The following ALMS1 variants were observed in gnomAD, a reference collection of about 807,000 sequenced individuals.
ALMS1 encodes the protein centrosome-associated protein ALMS1.
A neutral mutation model predicts 352.2 loss-of-function variants in ALMS1; 271 were observed. The observed-to-expected ratio is 0.77, with a 90% CI of 0.70 to 0.85. The LOEUF is 0.85. Ranked by LOEUF, ALMS1 falls within the 40% of genes least tolerant of loss-of-function variation. The pLI is 0.00. For synonymous variants in ALMS1, 1,865 were observed against 1,761.2 expected (o/e 1.06, Z -1.48); for missense variants, 5,445 against 4,870.7 (o/e 1.12, Z -3.51).
At chr2:73,562,739 T>A (rs1360058595) in intron 15 of ALMS1, among the ~76,000 whole-genome samples, 1 of 151,652 alleles carries the variant, frequency 6.6e-6, no homozygotes, top group Non-Finnish European at 1.5e-5. Context: ...AATACAAAAT[T>A]AGCCGGGCAT....
At chr2:73,566,284 G>A (rs1016188582) in intron 15 of ALMS1, among the ~76,000 whole-genome samples, 2 of 152,164 alleles carry the variant, frequency 1.3e-5, no homozygotes, top group African/African-American at 2.4e-5. Context: ...ATTTGCTGGC[G>A]TTACTGCTCT....
intron 2 of ALMS1, among the ~76,000 whole-genome samples, chr2:73,409,780 T>C (rs1362992332): frequency 1.3e-5 from 2 of 152,184 alleles, no homozygotes; most frequent in African/African-American, 4.8e-5. Context: ...ATTTATTATA[T>C]AGAATTGGCT....
intron 5 of ALMS1, among the ~76,000 whole-genome samples, chr2:73,426,184 A>G (rs530784757): frequency 2.7e-4 from 41 of 152,328 alleles, no homozygotes; most frequent in Middle Eastern, 3.4e-3. Context: ...AGATTACTCA[A>G]ACTTTAATTT....
chr2:73,476,639 G>T (rs1471311901), intron 9 of ALMS1, among the ~76,000 whole-genome samples: 1 of 151,440 alleles, frequency 6.6e-6, no homozygotes, highest in Non-Finnish European at 1.5e-5. Flanking sequence ...ATGTCTCATT[G>T]TGGTGGTGAT....
rs1226978486 is a variant in ALMS1 at position 73,463,418 on chromosome 2, A to C, written c.7674+8123A>C. Among the ~76,000 whole-genome samples, 3 of 150,080 alleles carry C rather than the reference A, an allele frequency of 2.0e-5. No homozygotes were observed. The Admixed American group carries it at 2.0e-4, about 10-fold the overall frequency. On this transcript the variant is annotated intron_variant, in intron 9 of 22. Transcript: ENST00000613296. Reference sequence around the variant, plus strand: ...TTGAAACCAACGAGAACAAAGACACAACATACCAGAATCTCTGGGACACAT... The same window carrying C: ...TTGAAACCAACGAGAACAAAGACACCACATACCAGAATCTCTGGGACACAT...
At chr2:73,537,232 A>G (rs548772527) in intron 12 of ALMS1, among the ~76,000 whole-genome samples, 20 of 152,368 alleles carry the variant, frequency 1.3e-4, no homozygotes, top group Non-Finnish European at 1.6e-4. Flanking sequence ...ACAGTAAACT[A>G]ACTGGAAAGC....
intron 10 of ALMS1, among the ~76,000 whole-genome samples, chr2:73,494,480 C>T (rs960825968): frequency 6.6e-6 from 1 of 152,062 alleles, no homozygotes; most frequent in Non-Finnish European, 1.5e-5. Flanking sequence ...CAGGTTTTTC[C>T]ACAAATGAAC....
intron 1 of ALMS1, among the ~76,000 whole-genome samples, chr2:73,398,484 ATTGCTGGGATT>A (rs1670810970): frequency 6.6e-6 from 1 of 152,164 alleles, no homozygotes; most frequent in Non-Finnish European, 1.5e-5. Flanking sequence ...TGTATTAAAA[ATTGCTGGGATT>A]TTGATTGGGA....
intron 9 of ALMS1, among the ~76,000 whole-genome samples, chr2:73,482,044 C>T (rs1004061233): frequency 1.3e-5 from 2 of 152,178 alleles, no homozygotes; most frequent in African/African-American, 4.8e-5. Flanking sequence ...TTGACTTCCT[C>T]TTTTCCTAAT....
chr2:73,567,469 A>G (rs139134246), intron 15 of ALMS1, among the ~76,000 whole-genome samples: 5 of 152,328 alleles, frequency 3.3e-5, no homozygotes, highest in African/African-American at 1.2e-4. Flanking sequence ...TTAAGGCAAA[A>G]TATGTATTTA....
chr2:73,489,761 C>A lies in ALMS1; in HGVS notation c.7802C>A (p.Pro2601His), dbSNP rs2103889598. The A allele has an allele frequency of 1.2e-6, 2 of 1,614,162 alleles. No individual in the cohort carries two copies. The change falls in exon 10 of 23, where the codon CCT (proline) becomes CAT (histidine). Residue 2601 changes from proline to histidine, a missense_variant. Transcript: ENST00000613296. ...GAACATCCACAACTAGATAGACACC[C>A]TTGTGCTTTCAGATCTGCTGGACCC... Reference protein sequence around the residue: ...TSEHPQLDRHPCAFRSAGPSE... With the variant: ...TSEHPQLDRHHCAFRSAGPSE...
intron 12 of ALMS1, among the ~76,000 whole-genome samples, chr2:73,540,543 T>C (rs1362623281): frequency 2.0e-5 from 3 of 152,188 alleles, no homozygotes; most frequent in Non-Finnish European, 4.4e-5. Context: ...TAAATGTAAA[T>C]GGACTAAATG....
At chr2:73,596,558 G>C (rs139490130) in intron 16 of ALMS1, among the ~76,000 whole-genome samples, 1,572 of 149,208 alleles carry the variant, frequency 0.011, 24 homozygotes, top group African/African-American at 0.037. Flanking sequence ...TGCAACCTTT[G>C]CCTCCTGGGT....
At chr2:73,432,504 T>A (rs934248140) in intron 7 of ALMS1, among the ~76,000 whole-genome samples, 5 of 147,394 alleles carry the variant, frequency 3.4e-5, no homozygotes, top group Non-Finnish European at 5.9e-5. Flanking sequence ...AGAAATTTGT[T>A]TCTTGCAGTT....
chr2:73,547,775 C>T (rs576746156), intron 12 of ALMS1, among the ~76,000 whole-genome samples: 7 of 152,202 alleles, frequency 4.6e-5, no homozygotes, highest in South Asian at 2.1e-4. Flanking sequence ...GATGGGAAGG[C>T]GGAGAGCCAT....
intron 9 of ALMS1, among the ~76,000 whole-genome samples, chr2:73,460,119 T>C (rs1400234291): frequency 1.3e-5 from 2 of 152,170 alleles, no homozygotes; most frequent in East Asian, 3.9e-4. Context: ...CTCCATATAT[T>C]TACTTGTTTA....
At chr2:73,494,703 T>C (rs1420926136) in intron 10 of ALMS1, among the ~76,000 whole-genome samples, 1 of 152,226 alleles carries the variant, frequency 6.6e-6, no homozygotes, top group Non-Finnish European at 1.5e-5. Context: ...TCTCAACACG[T>C]CACAACAGAG....
chr2:73,505,774 G>A lies in ALMS1; in HGVS notation c.9540-14001G>A, dbSNP rs188065973. ...TACTCTAATGATAGTTTCTTTTGCT[G>A]TGCAGAAGCTCTTTAGTTTAATTAG... On this transcript the variant is annotated intron_variant, in intron 10 of 22. Coordinates refer to ENST00000613296, the MANE Select transcript of ALMS1 (RefSeq NM_001378454.1). Among the ~76,000 whole-genome samples the A allele has an allele frequency of 3.0e-4, 46 of 152,200 alleles. No homozygotes were observed. The East Asian group carries it at 8.9e-3, about 29-fold the overall frequency.
At chr2:73,604,443 A>T (rs1326474010) in intron 21 of ALMS1, among the ~76,000 whole-genome samples, 3 of 152,220 alleles carry the variant, frequency 2.0e-5, no homozygotes, top group African/African-American at 7.2e-5. Context: ...CATTTCAGAT[A>T]TTCATATATT....
Sources: allele counts gnomAD v4.1 joint callset (sites outside exome capture counted in the v4.1 genomes callset), GRCh38; gene constraint gnomAD v4.1.1; transcripts MANE v1.5; gene names NCBI Gene and HGNC (gene_info 2026-07-23, HGNC 2026-07-21).